The following TAF10 variants were observed in gnomAD, a reference collection of about 807,000 sequenced individuals.
TAF10 encodes the protein transcription initiation factor TFIID subunit 10.
TAF10 carries 2 observed loss-of-function variants against 18.1 expected under a neutral mutation model. The ratio of observed to expected loss-of-function variants is 0.11; its 90% CI spans 0.05 to 0.35. The LOEUF (loss-of-function observed/expected upper bound fraction) is 0.35. Ranked by LOEUF, TAF10 falls within the 10% of genes least tolerant of loss-of-function variation. The pLI is 1.00. For synonymous variants in TAF10, 158 were observed against 134.6 expected (o/e 1.17, Z -1.20); for missense variants, 293 against 306.9 (o/e 0.95, Z 0.34).
rs1487816908 is a variant in TAF10, at chr11:6,606,420, T to C, written c.*4502A>G. On this transcript the variant is annotated 3_prime_UTR_variant, in exon 5 of 5. Transcript: ENST00000299424. ...CCATTAGGTTCTACACTATTTCTCT[T>C]TAATACTTTGCAAAGTCATTTGTTC... is the stretch of plus-strand genomic sequence containing the variant. The C allele has an allele frequency of 1.3e-5, 2 of 152,236 alleles. No individual in the cohort carries two copies. Among genetic ancestry groups the C allele is most frequent in the African/African-American group, 2.4e-5 (1 of 41,448 alleles). The allele number at this position is 152,236 out of a possible 1,614,324, so 9.4% of individuals were successfully genotyped here.
rs1450934814 is a variant in TAF10, at chr11:6,607,242, ATTGTT to A, written c.*3675_*3679del. The A allele has an allele frequency of 3.3e-5, 5 of 152,102 alleles. No individual in the cohort carries two copies. Among genetic ancestry groups the A allele is most frequent in the African/African-American group, 4.8e-5 (2 of 41,380 alleles). The allele number at this position is 152,102 out of a possible 1,614,324, so 9.4% of individuals were successfully genotyped here. ...GTCAGGCAGGCCCAGCTCCAAACCAATTGTTTTGTTTTGTTTGTATACTTTACTTT... is the reference window on the plus strand; with the variant it reads ...GTCAGGCAGGCCCAGCTCCAAACCAATTGTTTTGTTTGTATACTTTACTTT... On this transcript the variant is annotated 3_prime_UTR_variant, in exon 5 of 5. Transcript: ENST00000299424.
At position 6,608,234 on chromosome 11, in the gene TAF10, T is replaced by C. The variant is rs769547928; in HGVS notation, c.*2688A>G. On this transcript the variant is annotated 3_prime_UTR_variant, in exon 5 of 5. Transcript: ENST00000299424. This position sits in a 1 kb window ranked among gnomAD's most constrained non-coding sequence, Gnocchi z 4.9. ...AAGGTACGTACAAACTCCTTCGTCA[T>C]CCACATCACATACATGCCATGAGGG... The C allele has an allele frequency of 1.2e-6, 2 of 1,613,696 alleles. No individual in the cohort carries two copies. Among genetic ancestry groups the C allele is most frequent in the East Asian group, 4.5e-5 (2 of 44,886 alleles).
rs1234033321 is a variant in TAF10, at chr11:6,609,809, C to T, written c.*1113G>A. On this transcript the variant is annotated 3_prime_UTR_variant, in exon 5 of 5. Transcript: ENST00000299424. ...CCTTCCTACACACACTAGAGCCCCT[C>T]ATCCCACGACATGCACTCAATAGCC... 1.2e-6 allele frequency: 2 copies of T among 1,614,232 alleles called. No homozygotes were observed. Among genetic ancestry groups the T allele is most frequent in the South Asian group, 2.2e-5 (2 of 91,092 alleles).
Position 6,607,991 on chromosome 11 carries a change from A to G in TAF10, c.*2931T>C. On this transcript the variant is annotated 3_prime_UTR_variant, in exon 5 of 5. Coordinates refer to ENST00000299424, the MANE Select transcript of TAF10 (RefSeq NM_006284.4). The stretch of plus-strand genomic sequence containing the variant: ...TGTAATTATCAGTTTTTCAGGAATC[A>G]AAACCTTTGCCCCATCCCACCTCCA... 1 of 1,587,882 alleles carries G rather than the reference A, an allele frequency of 6.3e-7. No individual in the cohort carries two copies. Among genetic ancestry groups the G allele is most frequent in the Non-Finnish European group, 8.6e-7 (1 of 1,158,068 alleles).
chr11:6,611,544 G>A, intron 2 of TAF10, 92 bp from the exon 3 acceptor site: 1 of 1,597,512 alleles, frequency 6.3e-7, no homozygotes, highest in Non-Finnish European at 8.6e-7. Context: ...CAGTTTGGGT[G>A]AGCAGAGGGC....
Position 6,611,969 on chromosome 11 carries a change from C to T in TAF10, c.221G>A (p.Arg74Gln), listed in dbSNP as rs751950122. 7 of 1,570,618 alleles carry T rather than the reference C, an allele frequency of 4.5e-6. No homozygotes were observed. Among genetic ancestry groups the T allele is most frequent in the Non-Finnish European group, 5.1e-6 (6 of 1,166,302 alleles). The change falls in exon 1 of 5, where the codon CGG (arginine) becomes CAG (glutamine). Residue 74 changes from arginine (R) to glutamine (Q), a missense_variant. By Grantham distance (43) the Arg-to-Gln change is conservative. Transcript: ENST00000299424. ...LAARAGEPAE[R>Q]RGAAPVSAGG... ...GTCCCGGCCCTCACCCGCCCCACGC[C>T]GCTCAGCTGGCTCCCCGGCCCGCGC...
In TAF10 at chr11:6,610,583, C is replaced by A. The variant is rs959927407; in HGVS notation, c.*339G>T. 2 of 1,614,086 alleles carry A rather than the reference C, an allele frequency of 1.2e-6. No homozygotes were observed. The highest frequency in any genetic ancestry group is 1.7e-6 in the Non-Finnish European group (2 of 1,180,036). On this transcript the variant is annotated 3_prime_UTR_variant, in exon 5 of 5. Transcript: ENST00000299424. ...CGACCCAAATTTGACATGATTGTGC[C>A]TATCCTTGAGAAGATGCAGGACAAG...
rs759562133 is a variant in TAF10 at position 6,610,937 on chromosome 11, C to G, written c.642G>C (p.Pro214=). The G allele has an allele frequency of 8.1e-6, 13 of 1,614,004 alleles. No homozygotes were observed. The highest frequency in any genetic ancestry group is 1.1e-5 in the South Asian group (1 of 91,084). ...LSEYGINVKK[P]HYFT is the part of the protein sequence containing the mutation. ...GTTGGGTGGCTCAGGTGAAGTAGTGCGGCTTCTTCACATTGATGCCATACT... is the reference window on the plus strand; with the variant it reads ...GTTGGGTGGCTCAGGTGAAGTAGTGGGGCTTCTTCACATTGATGCCATACT... The change falls in exon 5 of 5, where the codon CCG becomes CCC. Residue 214 remains proline, a synonymous_variant. Transcript: ENST00000299424.
At chr11:6,611,484 A>G (rs1855458006) in intron 2 of TAF10, 32 bp from the exon 3 acceptor site, 1 of 1,613,428 alleles carries the variant, frequency 6.2e-7, no homozygotes, top group Non-Finnish European at 8.5e-7. Context: ...CTGTCAGCAG[A>G]GCGGGAGGAG....
At position 6,612,054 on chromosome 11, in the gene TAF10, C is replaced by T; in HGVS notation, c.136G>A (p.Ala46Thr). 6.9e-7 allele frequency: 1 copy of T among 1,449,358 alleles called. No individual in the cohort carries two copies. Among genetic ancestry groups the T allele is most frequent in the African/African-American group, 1.5e-5 (1 of 67,644 alleles). The allele number at this position is 1,449,358 out of a possible 1,614,324, so 89.8% of individuals were successfully genotyped here. The change falls in exon 1 of 5, where the codon GCG (alanine) becomes ACG (threonine). Residue 46 changes from alanine (A) to threonine (T), a missense_variant. Transcript: ENST00000299424. ...GCCCCAGGTCCCCCCGCTGTCCCCGCGGGGCTGGCCTTGTTCTCCGCGGCG... is the reference window on the plus strand; with the variant it reads ...GCCCCAGGTCCCCCCGCTGTCCCCGTGGGGCTGGCCTTGTTCTCCGCGGCG... ...STAAENKASPAGTAGGPGAGA... is the reference protein window; with the variant it reads ...STAAENKASPTGTAGGPGAGA...
Position 6,609,768 on chromosome 11 carries a change from A to T in TAF10, c.*1154T>A. The T allele has an allele frequency of 6.2e-7, 1 of 1,614,192 alleles. No homozygotes were observed. Among genetic ancestry groups the T allele is most frequent in the Non-Finnish European group, 8.5e-7 (1 of 1,180,026 alleles). On this transcript the variant is annotated 3_prime_UTR_variant, in exon 5 of 5. Coordinates refer to ENST00000299424, the MANE Select transcript of TAF10 (RefSeq NM_006284.4). ...CCAGGCTGTGAAGTTTGCTTTGGACATGGCAAGGGGCATGGCCTTCCTACA... is the reference window on the plus strand; with the variant it reads ...CCAGGCTGTGAAGTTTGCTTTGGACTTGGCAAGGGGCATGGCCTTCCTACA...
At chr11:6,611,350 A>C (rs760162645) in intron 3 of TAF10, 38 bp downstream of exon 3, 1 of 1,614,014 alleles carries the variant, frequency 6.2e-7, no homozygotes, top group Non-Finnish European at 8.5e-7. Flanking sequence ...AACATACTGC[A>C]CAAGCACCCA....
At position 6,611,680 on chromosome 11, in the gene TAF10, T is replaced by C; in HGVS notation, c.371A>G (p.Glu124Gly). 1 of 1,596,070 alleles carries C rather than the reference T, an allele frequency of 6.3e-7. No individual in the cohort carries two copies. Among genetic ancestry groups the C allele is most frequent in the Non-Finnish European group, 8.5e-7 (1 of 1,170,608 alleles). ...TPLVDFLMQL[E>G]DYTPTIPDAV... ...GAAGCCCACCGTAGGCGTGTAATCT[T>C]CCAGCTGCATCAAGAAGTCCACCAA... Residue 124 changes from glutamate (E) to glycine (G), a missense_variant, in exon 2 of 5, where the codon GAA (glutamate) becomes GGA (glycine). By Grantham distance (98) the Glu-to-Gly change is moderately conservative. Transcript: ENST00000299424.
Position 6,607,973 on chromosome 11 carries a change from A to G in TAF10, c.*2949T>C. On this transcript the variant is annotated 3_prime_UTR_variant, in exon 5 of 5. Transcript: ENST00000299424. ...AAGCCTTCCCAGAGAGTATGTAATT[A>G]TCAGTTTTTCAGGAATCAAAACCTT... 1 of 1,474,128 alleles carries G rather than the reference A, an allele frequency of 6.8e-7. No homozygotes were observed. Among genetic ancestry groups the G allele is most frequent in the East Asian group, 2.3e-5 (1 of 43,838 alleles). The allele number at this position is 1,474,128 out of a possible 1,614,324, so 91.3% of individuals were successfully genotyped here.
In TAF10 at chr11:6,610,266, G is replaced by A. The variant is rs1057522211; in HGVS notation, c.*656C>T. On this transcript the variant is annotated 3_prime_UTR_variant, in exon 5 of 5. Coordinates refer to ENST00000299424, the MANE Select transcript of TAF10 (RefSeq NM_006284.4). ...CCTTTGCTGACCTCTCCAATATGGA[G>A]ATTGGAATGAAGGTGAGAGCACAAC... is the stretch of plus-strand genomic sequence containing the variant. 4 of 1,614,202 alleles carry A rather than the reference G, an allele frequency of 2.5e-6. No homozygotes were observed. The Admixed American group carries it at 6.7e-5, about 27-fold the overall frequency.
chr11:6,611,853 G>A (rs369659331), intron 1 of TAF10, 35 bp from the exon 2 acceptor site: 10 of 1,589,266 alleles, frequency 6.3e-6, no homozygotes, highest in African/African-American at 4.0e-5. Context: ...ACACAGAGGT[G>A]GGAGGCGCAG....
Position 6,608,852 on chromosome 11 carries a change from G to A in TAF10, c.*2070C>T, listed in dbSNP as rs781057218. The A allele has an allele frequency of 2.5e-6, 4 of 1,613,700 alleles. No individual in the cohort carries two copies. The South Asian group carries it at 3.3e-5, about 13-fold the overall frequency. ...CCCTTCCCACCTGTCTTCTCCCTCT[G>A]TACCACAGCTTAGGTTGTTTTTCTT... On this transcript the variant is annotated 3_prime_UTR_variant, in exon 5 of 5. Transcript: ENST00000299424. This position sits in a 1 kb window ranked among gnomAD's most constrained non-coding sequence, Gnocchi z 4.9.
Position 6,611,407 on chromosome 11 carries a change from C to G in TAF10, c.433G>C (p.Glu145Gln). Reference protein sequence around the residue: ...TGYYLNRAGFEASDPRIIRLI... With the variant: ...TGYYLNRAGFQASDPRIIRLI... ...ACTCACATGCGTGGGTCTGAGGCCT[C>G]AAAGCCAGCACGGTTCAGGTAGTAA... The change falls in exon 3 of 5, where the codon GAG (glutamate) becomes CAG (glutamine). Residue 145 changes from glutamate (E) to glutamine (Q), a missense_variant. By Grantham distance (29) the Glu-to-Gln change is conservative. Coordinates refer to ENST00000299424, the MANE Select transcript of TAF10 (RefSeq NM_006284.4). The G allele has an allele frequency of 6.2e-7, 1 of 1,614,160 alleles. No homozygotes were observed. The highest frequency in any genetic ancestry group is 1.1e-5 in the South Asian group (1 of 91,086).
In TAF10 at chr11:6,609,080, C is replaced by T. The variant is rs370953374; in HGVS notation, c.*1842G>A. ...CTGCCCACACTCTTAGGAAATGGAA[C>T]CCTGAACAAACACTCTGGCATTGAC... On this transcript the variant is annotated 3_prime_UTR_variant, in exon 5 of 5. Coordinates refer to ENST00000299424, the MANE Select transcript of TAF10 (RefSeq NM_006284.4). 6.8e-6 allele frequency: 11 copies of T among 1,613,990 alleles called. No individual in the cohort carries two copies. The African/African-American group carries it at 1.1e-4, about 16-fold the overall frequency.
Sources: gnomAD v4.1 joint callset for allele counts on GRCh38, gnomAD v4.1.1 for gene constraint, Gnocchi (gnomAD v3.1) non-coding constraint, MANE v1.5 for transcripts, NCBI Gene and HGNC (gene_info 2026-07-23, HGNC 2026-07-21) for gene names.